The following ZFR2 variants were observed in gnomAD, a reference collection of about 807,000 sequenced individuals.
ZFR2 encodes the protein zinc finger RNA-binding protein 2.
ZFR2 carries 104 observed loss-of-function variants against 105.7 expected under a neutral mutation model. The observed-to-expected ratio is 0.98, with a 90% CI of 0.84 to 1.16. ZFR2 has a LOEUF of 1.16. ZFR2 is among the 50% of genes most tolerant of loss of function. The probability of loss-of-function intolerance (pLI) is 0.00; values close to 1 mark genes in which losing one functional copy is unlikely to be tolerated. For synonymous variants in ZFR2, 634 were observed against 597.7 expected (o/e 1.06, Z -0.89); for missense variants, 1,425 against 1,355.5 (o/e 1.05, Z -0.80).
At chr19:3,855,705 TGAG>T in intron 1 of ZFR2, 3 of 357,654 alleles carry the variant, frequency 8.4e-6, no homozygotes, top group Admixed American at 4.7e-5. Context: ...GCCTGGTGGG[TGAG>T]GAGGAGGGTG....
chr19:3,867,147 G>A (rs569835369), intron 1 of ZFR2, among the ~76,000 whole-genome samples: 1 of 151,754 alleles, frequency 6.6e-6, no homozygotes, highest in South Asian at 2.1e-4. Flanking sequence ...ACCGCGGGGG[G>A]CAAAGACCCC....
chr19:3,851,454 G>T (rs931322430), intron 1 of ZFR2, among the ~76,000 whole-genome samples: 3 of 152,184 alleles, frequency 2.0e-5, no homozygotes, highest in African/African-American at 7.2e-5. Flanking sequence ...ACCAAAACAT[G>T]CAAATGCATG....
At chr19:3,832,467 A>C (rs1375155984) in intron 3 of ZFR2, among the ~76,000 whole-genome samples, 2 of 151,620 alleles carry the variant, frequency 1.3e-5, no homozygotes, top group Admixed American at 1.3e-4. Context: ...GATTACAAGC[A>C]TGCGCCACCC....
At chr19:3,848,493 T>C (rs2038204747) in intron 1 of ZFR2, among the ~76,000 whole-genome samples, 2 of 150,922 alleles carry the variant, frequency 1.3e-5, no homozygotes, top group Admixed American at 6.6e-5. Context: ...GGAGGATCTC[T>C]TGAGCCCAAG....
chr19:3,807,147 C>T (rs1346609203), intron 18 of ZFR2, 25 bp downstream of exon 18: 2 of 1,534,394 alleles, frequency 1.3e-6, no homozygotes, highest in South Asian at 2.4e-5. Flanking sequence ...TGGGTGTCAC[C>T]CTTGCCGTGA....
At chr19:3,809,763 G>A (rs2037741549) in intron 16 of ZFR2, among the ~76,000 whole-genome samples, 1 of 152,036 alleles carries the variant, frequency 6.6e-6, no homozygotes, top group South Asian at 2.1e-4. Flanking sequence ...GGCCAACATG[G>A]CGAAACCCCA....
At chr19:3,863,228 A>G (rs1235164802) in intron 1 of ZFR2, among the ~76,000 whole-genome samples, 1 of 152,164 alleles carries the variant, frequency 6.6e-6, no homozygotes, top group Admixed American at 6.5e-5. Flanking sequence ...AGGGGCTCCC[A>G]TCAGGGGTAT....
rs190057078 is a variant in ZFR2 at position 3,845,851 on chromosome 19, G to A, written c.54-10868C>T. On this transcript the variant is annotated intron_variant, in intron 1 of 18. Transcript: ENST00000262961. ...AAGTCAAGACCCTGTCTCCAAATCC[G>A]GGCATATTCAGAGGTACTGAGGGTT... is the stretch of plus-strand genomic sequence containing the variant. Among the ~76,000 whole-genome samples, 22 of 152,238 alleles carry A rather than the reference G, an allele frequency of 1.4e-4. No homozygotes were observed. In the East Asian group the frequency reaches 2.3e-3, roughly 16 times the overall value.
At chr19:3,853,452 T>C (rs1423598953) in intron 1 of ZFR2, among the ~76,000 whole-genome samples, 2 of 152,206 alleles carry the variant, frequency 1.3e-5, no homozygotes, top group Admixed American at 1.3e-4. Context: ...CAAAAAGCAT[T>C]TGTTGAGGTT....
At chr19:3,841,253 G>C (rs556650209) in intron 1 of ZFR2, among the ~76,000 whole-genome samples, 1 of 152,240 alleles carries the variant, frequency 6.6e-6, no homozygotes, top group Admixed American at 6.5e-5. Context: ...AACACGGCCG[G>C]CAACGGGTCT....
intron 13 of ZFR2, among the ~76,000 whole-genome samples, chr19:3,814,588 G>A (rs927262946): frequency 3.3e-5 from 5 of 152,182 alleles, no homozygotes; most frequent in Non-Finnish European, 7.3e-5. Flanking sequence ...GACATTACTG[G>A]GGTGGATGTT....
chr19:3,865,632 A>G (rs1372700448), intron 1 of ZFR2, among the ~76,000 whole-genome samples: 1 of 152,180 alleles, frequency 6.6e-6, no homozygotes. Flanking sequence ...TGCTGGAGCG[A>G]CAGGCATGAG....
chr19:3,821,653 TCCCA>T (rs1407261442), intron 9 of ZFR2, among the ~76,000 whole-genome samples, 174 bp from the exon 10 acceptor site: 1 of 136,912 alleles, frequency 7.3e-6, no homozygotes, highest in Non-Finnish European at 1.5e-5. Flanking sequence ...TGCTCTTGTC[TCCCA>T]GGCTGGAGTG....
Position 3,834,635 on chromosome 19 carries a change from G to C in ZFR2, c.264+138C>G. 1 of 940,154 alleles carries C rather than the reference G, an allele frequency of 1.1e-6. No homozygotes were observed. The highest frequency in any genetic ancestry group is 2.2e-5 in the Admixed American group (1 of 44,972). The allele number at this position is 940,154 out of a possible 1,614,324, so 58.2% of individuals were successfully genotyped here. On this transcript the variant is annotated intron_variant, in intron 2 of 18. Coordinates refer to ENST00000262961, the MANE Select transcript of ZFR2 (RefSeq NM_015174.2). This position sits in a 1 kb window ranked among gnomAD's most constrained non-coding sequence, Gnocchi z 5.3. ...TTTCTCCCCACCACGGGTACGCAAT[G>C]CCAGCAGAAGGGTCCCGAAGGAAGG...
rs191017683 is a variant in ZFR2, at chr19:3,835,126, G to A, written c.54-143C>T. The A allele has an allele frequency of 5.7e-5, 51 of 901,948 alleles. No homozygotes were observed. In the Admixed American group the frequency reaches 7.3e-4, roughly 13 times the overall value. 55.9% of individuals were successfully genotyped at this position (901,948 alleles called of 1,614,324 possible). ...CCCTCCTAGGAGCCCAGGCACGGCC[G>A]GAAGCACTTTACACAAATTAACACC... On this transcript the variant is annotated intron_variant, in intron 1 of 18. Transcript: ENST00000262961.
intron 12 of ZFR2, 30 bp from the exon 13 acceptor site, chr19:3,816,875 A>G (rs369202127): frequency 8.5e-6 from 13 of 1,527,886 alleles, no homozygotes; most frequent in Non-Finnish European, 1.1e-5. Flanking sequence ...GACGTGCGCC[A>G]TCAGCGGAGA....
chr19:3,820,545 C>T (rs772816261), intron 10 of ZFR2, among the ~76,000 whole-genome samples: 9 of 152,198 alleles, frequency 5.9e-5, no homozygotes, highest in Non-Finnish European at 8.8e-5. Flanking sequence ...TTCAGGAGGT[C>T]CTGGTTCCCT....
chr19:3,812,755 T>TA (rs201787042), intron 14 of ZFR2, among the ~76,000 whole-genome samples: 1,701 of 151,632 alleles, frequency 0.011, 37 homozygotes, highest in African/African-American at 0.04. Flanking sequence ...AGGCTCTTAT[T>TA]AAAAAACAAA....
In ZFR2 at chr19:3,831,804, T is replaced by C. The variant is rs2038020198; in HGVS notation, c.454A>G (p.Ile152Val). Reference protein sequence around the residue: ...SHAQPPQQAPIVESGQPASTL... With the variant: ...SHAQPPQQAPVVESGQPASTL... ...CTCGCTGGCTGTCCGGACTCCACTA[T>C]GGGCGCCTGCTGTGGGGGCTGAGCG... The change falls in exon 4 of 19, where the codon ATA (isoleucine) becomes GTA (valine). Residue 152 changes from isoleucine (I) to valine (V), a missense_variant. By Grantham distance (29) the Ile-to-Val change is conservative. Coordinates refer to ENST00000262961, the MANE Select transcript of ZFR2 (RefSeq NM_015174.2). The C allele has an allele frequency of 6.2e-7, 1 of 1,609,620 alleles. No homozygotes were observed. Among genetic ancestry groups the C allele is most frequent in the African/African-American group, 1.3e-5 (1 of 74,970 alleles).
Sources: allele counts gnomAD v4.1 joint callset (sites outside exome capture counted in the v4.1 genomes callset), GRCh38; gene constraint gnomAD v4.1.1; non-coding constraint Gnocchi (gnomAD v3.1); transcripts MANE v1.5; gene names NCBI Gene and HGNC (gene_info 2026-07-23, HGNC 2026-07-21).